Variants in XRRA1 observed in about 807,000 individuals in gnomAD.
The protein encoded by XRRA1 is X-ray radiation resistance associated 1, also known as X-ray radiation resistance-associated protein 1.
Under a neutral mutation model 80.2 loss-of-function variants are expected in XRRA1, and 69 were observed. That is an observed-to-expected ratio of 0.86 (90% CI 0.71 to 1.05). The LOEUF is 1.05. Ranked by LOEUF, XRRA1 falls within the 50% of genes least tolerant of loss-of-function variation. The pLI, the probability that XRRA1 is intolerant of heterozygous loss-of-function variation, is 0.00. For missense variants in XRRA1, 967 were observed against 976.4 expected, an observed-to-expected ratio of 0.99 and a Z score of 0.13; for synonymous variants, 348 against 389.9, an observed-to-expected ratio of 0.89 and a Z score of 1.27.
intron 10 of XRRA1, chr11:74,877,082 T>C (rs1015946631): frequency 6.6e-6 from 1 of 152,210 alleles, no homozygotes; most frequent in African/African-American, 2.4e-5. Context: ...GTACCTGCAA[T>C]GTAGAATTCT....
rs978511751 is a variant in XRRA1 at position 74,906,420 on chromosome 11, G to A, written c.822C>T (p.Ile274=). ...KKLSLDENRI[I]RIPYLQQVQL... ...GAACTTGCTGTAGGTATGGGATCCTGATAATCCTGTTTTCATCCAAGCTTA... is the reference window on the plus strand; with the variant it reads ...GAACTTGCTGTAGGTATGGGATCCTAATAATCCTGTTTTCATCCAAGCTTA... Residue 274 remains isoleucine (I), a synonymous_variant, in exon 10 of 19, where the codon ATC becomes ATT. Transcript: ENST00000684022. 11 of 1,613,830 alleles carry A rather than the reference G, an allele frequency of 6.8e-6. No homozygotes were observed. Among genetic ancestry groups the A allele is most frequent in the South Asian group, 1.1e-5 (1 of 91,084 alleles).
intron 12 of XRRA1, among the ~76,000 whole-genome samples, chr11:74,858,365 C>T (rs1376964097): frequency 6.6e-6 from 1 of 152,166 alleles, no homozygotes; most frequent in Non-Finnish European, 1.5e-5. Flanking sequence ...GAAGCCGATG[C>T]CTGTCTCACA....
In XRRA1 at chr11:74,921,315, C is replaced by T. The variant is rs775638180; in HGVS notation, c.555G>A (p.Val185=). The change falls in exon 8 of 19, where the codon GTG becomes GTA. Residue 185 remains valine (V), a synonymous_variant. Coordinates refer to ENST00000684022, the MANE Select transcript of XRRA1 (RefSeq NM_001378157.1). ...GAATCCCCAAATCACAGATGGCCTC[C>T]ACAGTCAGGCTGTTGAAGGAAAGGT... ...FLDLSFNSLT[V]EAICDLGILP... 1.9e-6 allele frequency: 3 copies of T among 1,613,850 alleles called. No individual in the cohort carries two copies. The highest frequency in any genetic ancestry group is 2.5e-6 in the Non-Finnish European group (3 of 1,179,872).
At chr11:74,890,822 C>T (rs1344768675) in intron 10 of XRRA1, among the ~76,000 whole-genome samples, 1 of 151,892 alleles carries the variant, frequency 6.6e-6, no homozygotes, top group African/African-American at 2.4e-5. Context: ...ATAAATTCCT[C>T]AACACATACA....
intron 14 of XRRA1, among the ~76,000 whole-genome samples, chr11:74,850,697 ATTC>A (rs1470172599): frequency 2.0e-5 from 3 of 152,216 alleles, no homozygotes; most frequent in East Asian, 1.9e-4. Flanking sequence ...TGCCTTAGCT[ATTC>A]TTTTTTTTGT....
intron 10 of XRRA1, among the ~76,000 whole-genome samples, chr11:74,885,485 C>T (rs1565321570): frequency 6.6e-6 from 1 of 152,024 alleles, no homozygotes; most frequent in Non-Finnish European, 1.5e-5. Context: ...TGGATAAATC[C>T]ATGGACACAT....
intron 12 of XRRA1, among the ~76,000 whole-genome samples, chr11:74,858,542 C>T (rs1399653361): frequency 6.6e-6 from 1 of 152,184 alleles, no homozygotes; most frequent in Non-Finnish European, 1.5e-5. Flanking sequence ...GAGTAGGGCT[C>T]AGTTAGTGGG....
At chr11:74,852,589 A>G (rs1180531629) in intron 12 of XRRA1, among the ~76,000 whole-genome samples, 1 of 152,110 alleles carries the variant, frequency 6.6e-6, no homozygotes, top group Non-Finnish European at 1.5e-5. Flanking sequence ...GGGGATGGAC[A>G]GGGGGAAAGG....
At chr11:74,850,339 A>G (rs1452041308) in intron 14 of XRRA1, among the ~76,000 whole-genome samples, 1 of 152,164 alleles carries the variant, frequency 6.6e-6, no homozygotes, top group African/African-American at 2.4e-5. Context: ...CCTTAAGAGG[A>G]GGTAACAGAC....
At chr11:74,931,643 T>C (rs550055775) in intron 5 of XRRA1, 146 of 152,352 alleles carry the variant, frequency 9.6e-4, no homozygotes, top group African/African-American at 3.2e-3. Flanking sequence ...ACCATTTTAA[T>C]TCCTGTATAG....
chr11:74,843,595 G>T, intron 18 of XRRA1, 142 bp from the exon 19 acceptor site: 1 of 1,207,166 alleles, frequency 8.3e-7, no homozygotes, highest in Non-Finnish European at 1.1e-6. Flanking sequence ...GGCCTTTCCA[G>T]CTTGGGAAGT....
chr11:74,868,800 C>T (rs1190082383), intron 10 of XRRA1, among the ~76,000 whole-genome samples: 1 of 151,324 alleles, frequency 6.6e-6, no homozygotes, highest in Non-Finnish European at 1.5e-5. Flanking sequence ...TCAACAAGAA[C>T]TATCCTAAAT....
intron 10 of XRRA1, among the ~76,000 whole-genome samples, chr11:74,890,393 T>A (rs1236858370): frequency 6.6e-6 from 1 of 152,104 alleles, no homozygotes; most frequent in Non-Finnish European, 1.5e-5. Context: ...CTGGGACACA[T>A]TCAAAGCAGT....
In XRRA1 at chr11:74,859,279, G is replaced by A; in HGVS notation, c.1049C>T (p.Thr350Ile). 6.2e-7 allele frequency: 1 copy of A among 1,604,898 alleles called. No individual in the cohort carries two copies. The highest frequency in any genetic ancestry group is 8.5e-7 in the Non-Finnish European group (1 of 1,176,536). Residue 350 changes from threonine to isoleucine, a missense_variant, in exon 12 of 19, where the codon ACC becomes ATC. Physicochemically the swap from Thr to Ile is moderately conservative, Grantham distance 89. Transcript: ENST00000684022. ...SYPGFSTSET[T>I]KICSLPPIFE... is the part of the protein sequence containing the mutation. Reference sequence around the variant, plus strand: ...TATGGGAGGAAGTGAACATATCTTGGTTGTCTTAGAAAGAAGGAAAAGTCA... The same window carrying A: ...TATGGGAGGAAGTGAACATATCTTGATTGTCTTAGAAAGAAGGAAAAGTCA...
At chr11:74,868,734 A>G (rs1487829521) in intron 10 of XRRA1, among the ~76,000 whole-genome samples, 1 of 152,036 alleles carries the variant, frequency 6.6e-6, no homozygotes, top group Non-Finnish European at 1.5e-5. Context: ...TTAAACCAAC[A>G]AAGATTAAAA....
intron 10 of XRRA1, among the ~76,000 whole-genome samples, chr11:74,890,729 T>G (rs928615122): frequency 6.6e-6 from 1 of 152,156 alleles, no homozygotes; most frequent in Non-Finnish European, 1.5e-5. Flanking sequence ...ATATCACCAC[T>G]GATCCCACAG....
chr11:74,945,434 AG>A (rs1029756363), intron 1 of XRRA1, among the ~76,000 whole-genome samples: 3 of 152,358 alleles, frequency 2.0e-5, no homozygotes, highest in Admixed American at 2.0e-4. Context: ...CAAAGTTGAA[AG>A]ATAAGACACA....
chr11:74,931,326 ATT>A (rs548989090), intron 5 of XRRA1, among the ~76,000 whole-genome samples: 17 of 140,876 alleles, frequency 1.2e-4, no homozygotes, highest in Non-Finnish European at 6.2e-5. Context: ...TTCTAGTTCA[ATT>A]TTTTTTTTTT....
At chr11:74,915,918 A>G (rs1441255070) in intron 8 of XRRA1, among the ~76,000 whole-genome samples, 1 of 152,048 alleles carries the variant, frequency 6.6e-6, no homozygotes, top group African/African-American at 2.4e-5. Context: ...CTTTGGAAGA[A>G]CACTTCTGCT....
Sources: gnomAD v4.1 joint callset for allele counts (sites outside exome capture counted in the v4.1 genomes callset) on GRCh38, gnomAD v4.1.1 for gene constraint, MANE v1.5 for transcripts, NCBI Gene and HGNC (gene_info 2026-07-23, HGNC 2026-07-21) for gene names.